Variants in ADAR observed in about 807,000 individuals in gnomAD.
ADAR encodes adenosine deaminase RNA specific.
A neutral mutation model predicts 113.2 loss-of-function variants in ADAR; 41 were observed. That is an observed-to-expected ratio of 0.36 (90% CI 0.28 to 0.47). The LOEUF is 0.47. Ranked by LOEUF, ADAR falls within the 20% of genes least tolerant of loss-of-function variation. The pLI is 1.00. For synonymous variants in ADAR, 605 were observed against 572.6 expected, an observed-to-expected ratio of 1.06 and a Z score of -0.81; for missense variants, 1,242 against 1,540.9, an observed-to-expected ratio of 0.81 and a Z score of 3.25.
At chr1:154,586,400 A>G (rs770804587) in intron 11 of ADAR, 37 bp from the exon 12 acceptor site, 2 of 1,608,186 alleles carry the variant, frequency 1.2e-6, no homozygotes, top group Non-Finnish European at 1.7e-6. Context: ...ACAGGCGCCA[A>G]TGGACCAAAC....
At chr1:154,609,526 C>G (rs1698409087), upstream of ADAR, among the ~76,000 whole-genome samples, 1 of 152,178 alleles carries the variant, frequency 6.6e-6, no homozygotes, top group Non-Finnish European at 1.5e-5. Flanking sequence ...TTTGCACATT[C>G]TATTCGTTGG....
At chr1:154,613,281 C>CTTTTTTTTTTTTTTTTTTTTTTTTTT (rs56126079) in intron 1 of ADAR, among the ~76,000 whole-genome samples, 1 of 84,662 alleles carries the variant, frequency 1.2e-5, no homozygotes, top group African/African-American at 4.7e-5. Flanking sequence ...TCACAAATGG[C>CTTTTTTTTTTTTTTTTTTTTTTTTTT]TTTTTTTTTT....
intron 1 of ADAR, among the ~76,000 whole-genome samples, chr1:154,621,698 C>T (rs969904909): frequency 6.6e-6 from 1 of 152,026 alleles, no homozygotes; most frequent in Non-Finnish European, 1.5e-5. Context: ...TAGTAAAATA[C>T]TCAGTTCTGG....
intron 2 of ADAR, chr1:154,600,725 G>A (rs1697814257): frequency 5.1e-6 from 2 of 390,206 alleles, no homozygotes; most frequent in Non-Finnish European, 9.7e-6. Flanking sequence ...GCCTGCCTCG[G>A]CCTCAAAAAG....
intron 9 of ADAR, 80 bp downstream of exon 9, chr1:154,589,289 G>T: frequency 2.7e-6 from 3 of 1,104,092 alleles, no homozygotes; most frequent in Non-Finnish European, 4.2e-6. Context: ...GGATTCAGAG[G>T]CCGTGTCAGA....
intron 1 of ADAR, among the ~76,000 whole-genome samples, chr1:154,617,598 G>A (rs961352615): frequency 6.6e-6 from 1 of 152,032 alleles, no homozygotes; most frequent in African/African-American, 2.4e-5. Flanking sequence ...CCACTCAAAC[G>A]AGAAAAAGGA....
At chr1:154,589,278 G>T in intron 9 of ADAR, 91 bp downstream of exon 9, 1 of 986,110 alleles carries the variant, frequency 1.0e-6, no homozygotes, top group South Asian at 1.3e-5. Context: ...CTGTCTGAGG[G>T]GGATTCAGAG....
chr1:154,616,798 C>G (rs1698647167), intron 1 of ADAR, among the ~76,000 whole-genome samples: 1 of 152,200 alleles, frequency 6.6e-6, no homozygotes, highest in South Asian at 2.1e-4. Context: ...CCAGATAGAT[C>G]TGTGTACCCA....
chr1:154,592,840 G>A (rs1374150685), intron 6 of ADAR, among the ~76,000 whole-genome samples: 1 of 151,702 alleles, frequency 6.6e-6, no homozygotes, highest in Non-Finnish European at 1.5e-5. Flanking sequence ...CCAGCATTTA[G>A]ATATTAAAGG....
intron 1 of ADAR, among the ~76,000 whole-genome samples, chr1:154,626,879 G>A (rs1176035751): frequency 1.3e-5 from 2 of 152,156 alleles, no homozygotes; most frequent in Non-Finnish European, 2.9e-5. Flanking sequence ...GATATTTCAA[G>A]AGATCTTTAA....
In ADAR at chr1:154,582,720, A is replaced by C. The variant is rs1696486176; in HGVS notation, c.*2086T>G. 1.3e-5 allele frequency: 2 copies of C among 152,300 alleles called. No individual in the cohort carries two copies. Among genetic ancestry groups the C allele is most frequent in the Admixed American group, 6.5e-5 (1 of 15,284 alleles). 9.4% of individuals were successfully genotyped at this position (152,300 alleles called of 1,614,324 possible). ...CCAAGATGGACCAGAGAGGCCAAAC[A>C]ACCTGAGGACTCAGCAGGTGACAAC... On this transcript the variant is annotated 3_prime_UTR_variant, in exon 15 of 15. Transcript: ENST00000368474.
chr1:154,625,522 T>C lies in ADAR; in HGVS notation c.-871+2333A>G, dbSNP rs192259206. Among the ~76,000 whole-genome samples the C allele has an allele frequency of 6.8e-3, 1,032 of 152,312 alleles. 2 individuals are homozygous for C. Among genetic ancestry groups the C allele is most frequent in the Non-Finnish European group, 8.6e-3 (588 of 68,018 alleles). The stretch of plus-strand genomic sequence containing the variant: ...TAGAGGGATGAAATAAGTTAGTATA[T>C]GTAAAGTGCTCAACACCGTGTCAGG... On this transcript the variant is annotated intron_variant, in intron 1 of 14. Transcript: ENST00000368471.
chr1:154,590,124 A>G (rs1571066357), intron 7 of ADAR, 60 bp downstream of exon 7: 3 of 1,465,058 alleles, frequency 2.0e-6, no homozygotes, highest in Non-Finnish European at 2.9e-6. Context: ...AGCCACCTCC[A>G]CTTAGGAGTT....
chr1:154,609,239 T>C (rs1698396818), upstream of ADAR, among the ~76,000 whole-genome samples: 1 of 152,216 alleles, frequency 6.6e-6, no homozygotes, highest in Non-Finnish European at 1.5e-5. Context: ...ACTTTTGTTA[T>C]CTAGAGGGAC....
At chr1:154,608,329 CTT>C (rs560819918), upstream of ADAR, 4,797 of 281,600 alleles carry the variant, frequency 0.017, no homozygotes, top group South Asian at 0.027. Context: ...ACGGAAGGTA[CTT>C]TTTTTTTTTT....
intron 1 of ADAR, among the ~76,000 whole-genome samples, 188 bp downstream of exon 1, chr1:154,607,802 GAC>G (rs898458475): frequency 7.2e-6 from 1 of 138,500 alleles, no homozygotes; most frequent in African/African-American, 2.8e-5. Context: ...TTGGCAAGAC[GAC>G]ACACACCCAC....
rs1283877839 is a variant in ADAR at position 154,597,117 on chromosome 1, C to T, written c.2079+6G>A. ...CCTGTATCTTTTGAGTAGGAAAACG[C>T]CCTACCTGGTTATCAGAAGCCATGG... On this transcript the variant is annotated splice_donor_region_variant and intron_variant, in intron 5 of 14. Transcript: ENST00000368474. 1 of 1,614,170 alleles carries T rather than the reference C, an allele frequency of 6.2e-7. No homozygotes were observed. The highest frequency in any genetic ancestry group is 1.1e-5 in the South Asian group (1 of 91,080).
chr1:154,590,135 A>AGGCGGGGGGGGGG, intron 7 of ADAR, 49 bp downstream of exon 7: 7 of 1,205,030 alleles, frequency 5.8e-6, no homozygotes, highest in Non-Finnish European at 8.4e-6. Context: ...CTTAGGAGTT[A>AGGCGGGGGGGGGG]GGAGGACCCC....
In ADAR at chr1:154,621,290, TA is replaced by T. The variant is rs539701335; in HGVS notation, c.-871+6564del. On this transcript the variant is annotated intron_variant, in intron 1 of 14. Transcript: ENST00000368471. Reference sequence around the variant, plus strand: ...AAGTCATATGTAAAAATGCAAACCATAAAAAAAACTAGAATATAGAATAAGG... The same window carrying T: ...AAGTCATATGTAAAAATGCAAACCATAAAAAAACTAGAATATAGAATAAGG... Among the ~76,000 whole-genome samples, 646 of 150,662 alleles carry T rather than the reference TA, an allele frequency of 4.3e-3. 3 individuals are homozygous for T. The highest frequency in any genetic ancestry group is 0.014 in the African/African-American group (590 of 41,026).
Sources: gnomAD v4.1 joint callset for allele counts (sites outside exome capture counted in the v4.1 genomes callset) on GRCh38, gnomAD v4.1.1 for gene constraint, MANE v1.5 for transcripts, NCBI Gene and HGNC (gene_info 2026-07-23, HGNC 2026-07-21) for gene names.